NID2: variants seen among roughly 807,000 people sequenced by gnomAD.
The protein encoded by NID2 is nidogen 2.
Under a neutral mutation model 145.4 loss-of-function variants are expected in NID2, and 83 were observed. The observed-to-expected ratio is 0.57, with a 90% CI of 0.48 to 0.69. NID2 has a LOEUF of 0.69. Among genes scored for constraint, NID2 ranks in the 30% least tolerant of loss-of-function variants. NID2 has a pLI of 0.00. For synonymous variants in NID2, 739 were observed against 701.3 expected (o/e 1.05, Z -0.85); for missense variants, 1,807 against 1,765.7 (o/e 1.02, Z -0.42).
At chr14:52,011,768 G>C in intron 16 of NID2, 85 bp from the exon 17 acceptor site, 2 of 1,493,332 alleles carry the variant, frequency 1.3e-6, no homozygotes, top group Non-Finnish European at 1.8e-6. Flanking sequence ...ATGCACAGCT[G>C]CAGTGAGCAA....
Position 52,068,831 on chromosome 14 carries a change from C to T in NID2, c.164G>A (p.Ser55Asn). ...DQLLQEGDDE[S>N]SAVVKLANPL... is the part of the protein sequence containing the mutation. ...ATTCGCCAGCTTCACCACGGCTGAG[C>T]TTTCGTCGTCGCCTTCCTGCAGGAG... The change falls in exon 1 of 22, where the codon AGC becomes AAC. Residue 55 changes from serine to asparagine, a missense_variant. Ser to Asn is a conservative substitution (Grantham distance 46, BLOSUM62 1). Transcript: ENST00000216286. 1 of 1,612,434 alleles carries T rather than the reference C, an allele frequency of 6.2e-7. No individual in the cohort carries two copies. Among genetic ancestry groups the T allele is most frequent in the East Asian group, 2.2e-5 (1 of 44,878 alleles).
At chr14:52,035,878 A>ATATCTATATATATATATT (rs58318209) in intron 9 of NID2, among the ~76,000 whole-genome samples, 1 of 135,204 alleles carries the variant, frequency 7.4e-6, no homozygotes, top group South Asian at 2.3e-4. Context: ...ATATATATAT[A>ATATCTATATATATATATT]TGTTTTATTT....
chr14:52,036,999 T>C (rs904744100), intron 9 of NID2, among the ~76,000 whole-genome samples: 6 of 152,206 alleles, frequency 3.9e-5, no homozygotes, highest in Admixed American at 2.0e-4. Context: ...TGACACCCAG[T>C]TTATTTTGCT....
At chr14:52,065,900 A>G (rs914831172) in intron 2 of NID2, among the ~76,000 whole-genome samples, 5 of 143,202 alleles carry the variant, frequency 3.5e-5, no homozygotes, top group Non-Finnish European at 6.0e-5. Flanking sequence ...AATCCAGTCT[A>G]TCATTGTTGG....
intron 4 of NID2, 33 bp downstream of exon 4, chr14:52,053,987 A>G: frequency 6.2e-7 from 1 of 1,610,786 alleles, no homozygotes; most frequent in Non-Finnish European, 8.5e-7. Flanking sequence ...TGCAAGGGGG[A>G]GGACAGATCA....
Position 52,027,256 on chromosome 14 carries a change from G to A in NID2, c.2619C>T (p.Ser873=). The part of the protein sequence containing the change: ...GQARCVHHGG[S]TFSCACLPGY... ...CAGGCAGGCAGGCACAGCTGAACGT[G>A]CTGCCTCCATGGTGAACACACCGGG... Residue 873 remains serine, a synonymous_variant, in exon 12 of 22, where the codon AGC becomes AGT. Transcript: ENST00000216286. The A allele has an allele frequency of 6.3e-7, 1 of 1,591,992 alleles. No individual in the cohort carries two copies. The highest frequency in any genetic ancestry group is 8.5e-7 in the Non-Finnish European group (1 of 1,169,684).
rs145004311 is a variant in NID2 at position 52,028,744 on chromosome 14, T to C, written c.2508A>G (p.Ala836=). ...RCECRSGYEF[A]DDRHTCILIT... is the part of the protein sequence containing the mutation. ...CACAGATGCAAGTATGCCGGTCATC[T>C]GCAAACTCATAACCACTCCGGCACT... Residue 836 remains alanine (A), a synonymous_variant, in exon 11 of 22, where the codon GCA becomes GCG. Coordinates refer to ENST00000216286, the MANE Select transcript of NID2 (RefSeq NM_007361.4). The C allele has an allele frequency of 6.2e-7, 1 of 1,613,348 alleles. No homozygotes were observed. Among genetic ancestry groups the C allele is most frequent in the Non-Finnish European group, 8.5e-7 (1 of 1,179,778 alleles).
chr14:52,042,415 A>T, intron 6 of NID2, 65 bp from the exon 7 acceptor site: 1 of 1,514,944 alleles, frequency 6.6e-7, no homozygotes, highest in East Asian at 2.3e-5. Context: ...GTACCCAGGT[A>T]TAATTATTCC....
At chr14:52,049,888 G>A (rs1268798197) in intron 5 of NID2, among the ~76,000 whole-genome samples, 1 of 152,140 alleles carries the variant, frequency 6.6e-6, no homozygotes, top group African/African-American at 2.4e-5. Flanking sequence ...GGCATCGGGG[G>A]GCGGCGGCTC....
At chr14:52,014,509 A>G (rs1483462452) in intron 15 of NID2, 53 bp from the exon 16 acceptor site, 52 of 1,539,768 alleles carry the variant, frequency 3.4e-5, no homozygotes, top group Middle Eastern at 1.8e-4. Context: ...AGGCAGGGAG[A>G]TGGGAAGAAA....
chr14:52,068,972 C>T lies in NID2; in HGVS notation c.23G>A (p.Gly8Glu). The T allele has an allele frequency of 6.2e-7, 1 of 1,612,102 alleles. No homozygotes were observed. The highest frequency in any genetic ancestry group is 1.3e-5 in the African/African-American group (1 of 75,032). Residue 8 changes from glycine to glutamate, a missense_variant, in exon 1 of 22, where the codon GGG (glycine) becomes GAG (glutamate). Coordinates refer to ENST00000216286, the MANE Select transcript of NID2 (RefSeq NM_007361.4). ...TGGTAACGACGACAGCACCGGCCGC[C>T]CGGCCACCCGGTCCCCCTCCATGCT... is the stretch of plus-strand genomic sequence containing the variant. The part of the protein sequence containing the change: MEGDRVA[G>E]RPVLSSLPVL...
intron 9 of NID2, among the ~76,000 whole-genome samples, chr14:52,034,862 T>C (rs762591146): frequency 6.6e-5 from 10 of 152,196 alleles, no homozygotes; most frequent in Non-Finnish European, 1.3e-4. Context: ...GTTTTCAGAA[T>C]TAAAATGTCC....
intron 14 of NID2, among the ~76,000 whole-genome samples, chr14:52,017,446 A>T (rs1027311930): frequency 6.6e-6 from 1 of 151,942 alleles, no homozygotes; most frequent in Non-Finnish European, 1.5e-5. Context: ...GCGCCGAGAG[A>T]GTGTGGGCAG....
At chr14:52,006,269 T>G in intron 20 of NID2, 1 of 431,606 alleles carries the variant, frequency 2.3e-6, no homozygotes, top group Non-Finnish European at 4.2e-6. Flanking sequence ...ATGCTCCCTT[T>G]TGAGACATTA....
intron 2 of NID2, among the ~76,000 whole-genome samples, chr14:52,062,444 G>C (rs76630862): frequency 6.6e-6 from 1 of 152,158 alleles, no homozygotes; most frequent in Non-Finnish European, 1.5e-5. Flanking sequence ...ATAAACAAAG[G>C]CTGTTCTGCC....
intron 9 of NID2, among the ~76,000 whole-genome samples, chr14:52,030,538 AAGAAAGAAAGAAAG>A: frequency 1.7e-5 from 1 of 58,322 alleles, no homozygotes; most frequent in East Asian, 3.8e-4. Flanking sequence ...GAAAGAAAGA[AAGAAAGAAAGAAAG>A]AAAGAAAGAA....
At chr14:52,028,892 G>T (rs778322652) in intron 10 of NID2, 42 bp from the exon 11 acceptor site, 2 of 1,606,360 alleles carry the variant, frequency 1.2e-6, no homozygotes, top group Non-Finnish European at 1.7e-6. Flanking sequence ...TTAATTCAAG[G>T]GTCCCAGAAG....
chr14:52,043,827 C>A (rs372443390), intron 5 of NID2, among the ~76,000 whole-genome samples: 2 of 152,214 alleles, frequency 1.3e-5, no homozygotes, highest in African/African-American at 4.8e-5. Context: ...GTGCTTTCTC[C>A]GGGGCACTAG....
At chr14:52,063,689 T>G (rs1034629241) in intron 2 of NID2, among the ~76,000 whole-genome samples, 1 of 152,232 alleles carries the variant, frequency 6.6e-6, no homozygotes, top group African/African-American at 2.4e-5. Context: ...GTTCTCTTTG[T>G]CATCTTCCTC....
Sources: allele counts gnomAD v4.1 joint callset (sites outside exome capture counted in the v4.1 genomes callset), GRCh38; gene constraint gnomAD v4.1.1; transcripts MANE v1.5; gene names NCBI Gene and HGNC (gene_info 2026-07-23, HGNC 2026-07-21).